The following EPB41 variants were observed in gnomAD, a reference collection of about 807,000 sequenced individuals.
EPB41 encodes protein 4.1.
Under a neutral mutation model 108.0 loss-of-function variants are expected in EPB41, and 65 were observed. The ratio of observed to expected loss-of-function variants is 0.60; its 90% CI spans 0.49 to 0.74. EPB41 has a LOEUF of 0.74. Among genes scored for constraint, EPB41 ranks in the 30% least tolerant of loss-of-function variants. EPB41 has a pLI of 0.00. For synonymous variants in EPB41, 336 were observed against 358.9 expected (o/e 0.94, Z 0.72); for missense variants, 875 against 1,037.0 (o/e 0.84, Z 2.15).
intron 1 of EPB41, among the ~76,000 whole-genome samples, chr1:28,897,270 C>T (rs1042224770): frequency 2.0e-5 from 3 of 152,020 alleles, no homozygotes; most frequent in Non-Finnish European, 2.9e-5. Flanking sequence ...CAGGAATCAC[C>T]AGGCCTGGTG....
intron 17 of EPB41, among the ~76,000 whole-genome samples, chr1:29,100,587 C>T (rs1664976750): frequency 2.0e-5 from 3 of 147,180 alleles, no homozygotes; most frequent in South Asian, 4.3e-4. Context: ...ACCAGTAGTT[C>T]CAGACCAGCC....
chr1:28,992,781 T>C (rs556960853), intron 2 of EPB41, among the ~76,000 whole-genome samples: 1 of 152,238 alleles, frequency 6.6e-6, no homozygotes, highest in Non-Finnish European at 1.5e-5. Context: ...CTTCATTGAC[T>C]CTTCTTTGCA....
At chr1:29,069,486 AC>A in intron 16 of EPB41, 1 of 1,181,050 alleles carries the variant, frequency 8.5e-7, no homozygotes, top group Non-Finnish European at 1.1e-6. Context: ...GACATTATAA[AC>A]TTTTATACTT....
chr1:28,892,722 A>G (rs2147830563), intron 1 of EPB41, among the ~76,000 whole-genome samples: 1 of 152,138 alleles, frequency 6.6e-6, no homozygotes, highest in South Asian at 2.1e-4. Context: ...AAATAAACAA[A>G]ACAAAACAAA....
In EPB41 at chr1:29,033,193, T is replaced by C. The variant is rs2150324135; in HGVS notation, c.1313T>C (p.Leu438Pro). 1 of 1,614,046 alleles carries C rather than the reference T, an allele frequency of 6.2e-7. No individual in the cohort carries two copies. Among genetic ancestry groups the C allele is most frequent in the East Asian group, 2.2e-5 (1 of 44,864 alleles). The change falls in exon 9 of 21, where the codon CTG (leucine) becomes CCG (proline). Residue 438 changes from leucine (L) to proline (P), a missense_variant. By Grantham distance (98) the Leu-to-Pro change is moderately conservative. Coordinates refer to ENST00000343067, the MANE Select transcript of EPB41 (RefSeq NM_001376013.1). ...RINRFPWPKV[L>P]KISYKRSSFF... ...AACCGCTTCCCTTGGCCCAAAGTGC[T>C]GAAGATTTCTTATAAACGTAGTAGC...
At chr1:29,077,345 A>T (rs1276751522) in intron 16 of EPB41, among the ~76,000 whole-genome samples, 1 of 151,994 alleles carries the variant, frequency 6.6e-6, no homozygotes, top group African/African-American at 2.4e-5. Flanking sequence ...CTGAGGCAGG[A>T]GGATCACTTG....
At chr1:28,932,738 A>C (rs1468577768) in intron 1 of EPB41, among the ~76,000 whole-genome samples, 1 of 152,194 alleles carries the variant, frequency 6.6e-6, no homozygotes, top group Non-Finnish European at 1.5e-5. Context: ...AGAATATTAA[A>C]AGACCATATG....
chr1:29,045,176 G>A (rs1054082687), intron 11 of EPB41, among the ~76,000 whole-genome samples: 3 of 152,114 alleles, frequency 2.0e-5, no homozygotes, highest in Non-Finnish European at 2.9e-5. Context: ...TGATTATATG[G>A]ATCAGTTTGG....
intron 6 of EPB41, among the ~76,000 whole-genome samples, chr1:29,016,423 A>G (rs534909599): frequency 6.8e-4 from 101 of 149,218 alleles, no homozygotes; most frequent in African/African-American, 2.3e-3. Context: ...TCCTAACCTC[A>G]GGTGATCTGC....
chr1:28,911,840 C>T (rs1223907049), upstream of EPB41, among the ~76,000 whole-genome samples: 4 of 151,916 alleles, frequency 2.6e-5, no homozygotes, highest in Non-Finnish European at 5.9e-5. Context: ...GCTGGGGGTT[C>T]GAGACCAGCC....
upstream of EPB41, among the ~76,000 whole-genome samples, chr1:28,911,608 C>G (rs1045947644): frequency 2.6e-5 from 4 of 152,184 alleles, no homozygotes; most frequent in Non-Finnish European, 2.9e-5. Flanking sequence ...GGTAATTGGT[C>G]TTCTATACTC....
intron 4 of EPB41, among the ~76,000 whole-genome samples, chr1:28,998,215 C>A (rs1375069201): frequency 1.3e-5 from 2 of 152,072 alleles, no homozygotes; most frequent in Non-Finnish European, 1.5e-5. Flanking sequence ...TGAGAGAGAC[C>A]TGAAGGATAA....
chr1:29,088,281 A>AGGTGACCC, intron 16 of EPB41, among the ~76,000 whole-genome samples: 1 of 151,838 alleles, frequency 6.6e-6, no homozygotes, highest in East Asian at 1.9e-4. Flanking sequence ...TCCTGACCTC[A>AGGTGACCC]GGTGACCCAC....
In EPB41 at chr1:29,053,164, A is replaced by G; in HGVS notation, c.1697A>G (p.Gln566Arg). The G allele has an allele frequency of 6.2e-7, 1 of 1,614,166 alleles. No homozygotes were observed. The highest frequency in any genetic ancestry group is 1.1e-5 in the South Asian group (1 of 91,074). Residue 566 changes from glutamine (Q) to arginine (R), a missense_variant, in exon 12 of 21, where the codon CAG becomes CGG. Gln to Arg is a conservative substitution (Grantham distance 43). Coordinates refer to ENST00000343067, the MANE Select transcript of EPB41 (RefSeq NM_001376013.1). ...PRPTSAPAIT[Q>R]GQVAEGGVLD... ...CCCACTTCTGCACCTGCCATTACTC[A>G]GGGTCAGGTTGCAGAAGGTGGCGTC...
intron 1 of EPB41, among the ~76,000 whole-genome samples, chr1:28,891,337 G>C (rs776435113): frequency 3.3e-5 from 5 of 152,224 alleles, no homozygotes; most frequent in African/African-American, 4.8e-5. Context: ...TGGGCCAGCT[G>C]TTTGATAGCT....
intron 1 of EPB41, among the ~76,000 whole-genome samples, chr1:28,931,530 AT>A (rs201647126): frequency 0.11 from 15,114 of 141,058 alleles, 857 homozygotes; most frequent in East Asian, 0.36. Context: ...TGACTTTGTA[AT>A]TTTTTTTTTT....
chr1:28,909,733 G>C (rs2092118658), upstream of EPB41, among the ~76,000 whole-genome samples: 1 of 152,008 alleles, frequency 6.6e-6, no homozygotes, highest in Non-Finnish European at 1.5e-5. Context: ...TCAGGGAAAG[G>C]CTGCTGTGAG....
chr1:28,976,308 G>A (rs1340291624), intron 1 of EPB41, among the ~76,000 whole-genome samples: 1 of 152,076 alleles, frequency 6.6e-6, no homozygotes, highest in Non-Finnish European at 1.5e-5. Flanking sequence ...TGGCATTTAG[G>A]TATTCAATAC....
chr1:28,982,203 G>A (rs1250258847), intron 1 of EPB41: 2 of 356,554 alleles, frequency 5.6e-6, no homozygotes, highest in Non-Finnish European at 1.1e-5. Context: ...CTTCATCCAT[G>A]TCCCTACAAA....
Sources: allele counts gnomAD v4.1 joint callset (sites outside exome capture counted in the v4.1 genomes callset), GRCh38; gene constraint gnomAD v4.1.1; transcripts MANE v1.5; gene names NCBI Gene and HGNC (gene_info 2026-07-23, HGNC 2026-07-21).